The following FOXP2 variants were observed in gnomAD, a reference collection of about 807,000 sequenced individuals.
FOXP2 encodes forkhead box protein P2.
In FOXP2, 12 loss-of-function variants were observed where a neutral mutation model predicts 115.8. That is an observed-to-expected ratio of 0.10 (90% confidence interval 0.07 to 0.17). The LOEUF is 0.17. Ranked by LOEUF, FOXP2 falls within the 10% of genes least tolerant of loss-of-function variation. The probability of loss-of-function intolerance (pLI) is 1.00; values close to 1 mark genes in which losing one functional copy is unlikely to be tolerated. For synonymous variants in FOXP2, 328 were observed against 297.7 expected (o/e 1.10, Z -1.05); for missense variants, 629 against 843.5 (o/e 0.75, Z 3.15).
chr7:114,204,055 T>A (rs1201967020), intron 1 of FOXP2, among the ~76,000 whole-genome samples: 1 of 152,072 alleles, frequency 6.6e-6, no homozygotes, highest in Non-Finnish European at 1.5e-5. Flanking sequence ...TTTAAACAAA[T>A]TTTTTTTCTG....
At chr7:114,658,388 A>G (rs939644947) in intron 11 of FOXP2, 121 bp downstream of exon 11, 23 of 1,036,746 alleles carry the variant, frequency 2.2e-5, no homozygotes, top group Non-Finnish European at 3.4e-5. Flanking sequence ...ATGGAGTGAT[A>G]ATTGTTTTAT....
At chr7:114,212,947 C>T (rs1794397793) in intron 1 of FOXP2, among the ~76,000 whole-genome samples, 1 of 152,194 alleles carries the variant, frequency 6.6e-6, no homozygotes, top group Admixed American at 6.5e-5. Context: ...CTTTTGCTTC[C>T]TTTAAGTGCT....
intron 16 of FOXP2, among the ~76,000 whole-genome samples, chr7:114,688,392 T>A (rs1003627689): frequency 6.6e-6 from 1 of 152,056 alleles, no homozygotes; most frequent in Non-Finnish European, 1.5e-5. Context: ...GTTTGAATAA[T>A]AAGTTATTTT....
intron 2 of FOXP2, among the ~76,000 whole-genome samples, chr7:114,473,885 TA>T (rs149594305): frequency 3.4e-5 from 5 of 148,528 alleles, no homozygotes; most frequent in African/African-American, 9.9e-5. Flanking sequence ...ACATCAAGTT[TA>T]AAAAAAAAAG....
At chr7:114,440,140 A>T (rs1794537330) in intron 2 of FOXP2, among the ~76,000 whole-genome samples, 1 of 152,156 alleles carries the variant, frequency 6.6e-6, no homozygotes, top group Non-Finnish European at 1.5e-5. Flanking sequence ...CATTTTATAG[A>T]TTATAGTATT....
At chr7:114,386,075 G>A (rs1338368709) in intron 2 of FOXP2, among the ~76,000 whole-genome samples, 1 of 152,240 alleles carries the variant, frequency 6.6e-6, no homozygotes, top group African/African-American at 2.4e-5. Context: ...GATCGGGAGT[G>A]GCAATGGGAG....
intron 3 of FOXP2, chr7:114,538,200 C>T: frequency 1.9e-6 from 1 of 538,288 alleles, no homozygotes; most frequent in East Asian, 6.8e-5. Context: ...ATGCACACTT[C>T]CATAATCTGT....
chr7:114,185,068 T>C (rs1793556653), intron 1 of FOXP2, among the ~76,000 whole-genome samples: 1 of 152,166 alleles, frequency 6.6e-6, no homozygotes, highest in Non-Finnish European at 1.5e-5. Context: ...TAAAGAAACA[T>C]TTCAAGTCCT....
At chr7:114,180,741 C>T (rs143249453) in intron 1 of FOXP2, among the ~76,000 whole-genome samples, 2 of 151,888 alleles carry the variant, frequency 1.3e-5, no homozygotes, top group Non-Finnish European at 2.9e-5. Context: ...TGTTTACTGG[C>T]CCCATTGATT....
chr7:114,236,238 T>A (rs1257858577), intron 1 of FOXP2, among the ~76,000 whole-genome samples: 1 of 152,234 alleles, frequency 6.6e-6, no homozygotes, highest in Non-Finnish European at 1.5e-5. Flanking sequence ...AGATTAGACT[T>A]GCACAATGTT....
At chr7:114,480,803 T>G (rs1796504848) in intron 2 of FOXP2, among the ~76,000 whole-genome samples, 1 of 150,702 alleles carries the variant, frequency 6.6e-6, no homozygotes, top group Non-Finnish European at 1.5e-5. Context: ...GTATATTACC[T>G]TTTGATATCA....
chr7:114,362,537 T>G lies in FOXP2; in HGVS notation c.-10-63965T>G, dbSNP rs535032160. On this transcript the variant is annotated intron_variant, in intron 2 of 17. Coordinates refer to the FOXP2 transcript ENST00000634411. ...ACAAAAGTGGGTGATGCCTGAAATA[T>G]GAAAAATGGAAAGAATTTAAACACT... Among the ~76,000 whole-genome samples, 8 of 152,164 alleles carry G rather than the reference T, an allele frequency of 5.3e-5. No individual in the cohort carries two copies. The South Asian group carries it at 1.7e-3, about 31-fold the overall frequency.
chr7:114,545,898 G>A (rs1168175829), intron 3 of FOXP2, among the ~76,000 whole-genome samples: 1 of 152,100 alleles, frequency 6.6e-6, no homozygotes, highest in East Asian at 1.9e-4. Flanking sequence ...CACACACTAT[G>A]TGGAATTAAT....
At chr7:114,517,132 G>A (rs1004113159) in intron 2 of FOXP2, among the ~76,000 whole-genome samples, 2 of 151,448 alleles carry the variant, frequency 1.3e-5, no homozygotes, top group Admixed American at 1.3e-4. Context: ...ATACCTGTTG[G>A]TCATGTGTAT....
chr7:114,158,836 C>A (rs1191686129), upstream of FOXP2, among the ~76,000 whole-genome samples: 1 of 152,080 alleles, frequency 6.6e-6, no homozygotes. Flanking sequence ...GATGTTCACT[C>A]CTTCCATAAC....
intron 3 of FOXP2, among the ~76,000 whole-genome samples, chr7:114,554,322 A>G (rs1350030943): frequency 5.9e-5 from 9 of 152,152 alleles, no homozygotes; most frequent in Non-Finnish European, 1.3e-4. Flanking sequence ...GCAAATACTC[A>G]TATTAATGTA....
At chr7:114,238,415 A>C (rs1795066091) in intron 1 of FOXP2, among the ~76,000 whole-genome samples, 1 of 152,220 alleles carries the variant, frequency 6.6e-6, no homozygotes, top group Non-Finnish European at 1.5e-5. Flanking sequence ...GTATTAGAAG[A>C]AAGAAAATAT....
At chr7:114,230,673 C>A (rs948541027) in intron 1 of FOXP2, among the ~76,000 whole-genome samples, 2 of 151,786 alleles carry the variant, frequency 1.3e-5, no homozygotes, top group Admixed American at 1.3e-4. Context: ...ATTTAACACC[C>A]TTTTACAATA....
rs762666811 is a variant in FOXP2, at chr7:114,651,922, C to G, written c.1095-281C>G. Reference sequence around the variant, plus strand: ...AAAAATGGCATAAATAATATGACTTCTACTATAACTCTGTAAATGGTCTGG... The same window carrying G: ...AAAAATGGCATAAATAATATGACTTGTACTATAACTCTGTAAATGGTCTGG... On this transcript the variant is annotated intron_variant, in intron 8 of 16. Transcript: ENST00000350908. 6.0e-4 allele frequency among the ~76,000 whole-genome samples: 92 copies of G among 152,096 alleles called. 1 individual carries two copies. Among genetic ancestry groups the G allele is most frequent in the Non-Finnish European group, 5.9e-5 (4 of 68,010 alleles).
Sources: allele counts gnomAD v4.1 joint callset (sites outside exome capture counted in the v4.1 genomes callset), GRCh38; gene constraint gnomAD v4.1.1; transcripts MANE v1.5; gene names NCBI Gene and HGNC (gene_info 2026-07-23, HGNC 2026-07-21).